Variants in LRRTM4 observed in about 807,000 individuals in gnomAD.
LRRTM4 encodes leucine-rich repeat transmembrane neuronal protein 4.
In LRRTM4, 25 loss-of-function variants were observed where a neutral mutation model predicts 47.6. The ratio of observed to expected loss-of-function variants is 0.53; its 90% CI spans 0.38 to 0.73. LRRTM4 has a LOEUF of 0.73. LRRTM4 is among the 30% of genes least tolerant of loss of function. The pLI is 0.00. For missense variants in LRRTM4, 638 were observed against 713.4 expected, an observed-to-expected ratio of 0.89 and a Z score of 1.20; for synonymous variants, 311 against 269.5, an observed-to-expected ratio of 1.15 and a Z score of -1.51.
intron 3 of LRRTM4, among the ~76,000 whole-genome samples, chr2:76,940,730 G>A (rs936798254): frequency 1.3e-5 from 2 of 152,170 alleles, no homozygotes; most frequent in African/African-American, 4.8e-5. Context: ...ACGTCAGAAA[G>A]AGGTTCTGAA....
At chr2:76,828,368 A>G (rs1003222278) in intron 3 of LRRTM4, among the ~76,000 whole-genome samples, 1 of 151,948 alleles carries the variant, frequency 6.6e-6, no homozygotes, top group Non-Finnish European at 1.5e-5. Flanking sequence ...AAATGAAGCA[A>G]TAATATGAAG....
At position 77,043,533 on chromosome 2, in the gene LRRTM4, T is replaced by C. The variant is rs183056761; in HGVS notation, c.1552-294617A>G. 3.0e-3 allele frequency among the ~76,000 whole-genome samples: 456 copies of C among 151,916 alleles called. 2 individuals carry two copies. The highest frequency in any genetic ancestry group is 0.011 in the African/African-American group (437 of 41,524). On this transcript the variant is annotated intron_variant, in intron 3 of 3. Transcript: ENST00000409884. ...CGAATGTCATTGTGTTCAATTTATG[T>C]AGTCTACTGAAACTGAATTTAAGTT...
chr2:76,911,340 G>T (rs554017123), intron 3 of LRRTM4, among the ~76,000 whole-genome samples: 1 of 152,100 alleles, frequency 6.6e-6, no homozygotes, highest in African/African-American at 2.4e-5. Flanking sequence ...AGTTCACTAA[G>T]GATTTCTTAA....
At chr2:77,038,539 A>C (rs909014604) in intron 3 of LRRTM4, among the ~76,000 whole-genome samples, 1 of 151,582 alleles carries the variant, frequency 6.6e-6, no homozygotes, top group Non-Finnish European at 1.5e-5. Flanking sequence ...GACTAGATAC[A>C]AAATTCTGTA....
At chr2:76,980,639 G>A (rs1676572028) in intron 3 of LRRTM4, among the ~76,000 whole-genome samples, 1 of 151,708 alleles carries the variant, frequency 6.6e-6, no homozygotes, top group Non-Finnish European at 1.5e-5. Flanking sequence ...AAAAGCAGGA[G>A]GAACTTTTTA....
In LRRTM4 at chr2:77,480,818, GTGT is replaced by G. The variant is rs1435496158; in HGVS notation, c.1551+37497_1551+37499del. On this transcript the variant is annotated intron_variant, in intron 3 of 3. Coordinates refer to ENST00000409884, the MANE Select transcript of LRRTM4 (RefSeq NM_001134745.3). ...TGTGTGTGTGTGTGTGTGTGTGTGT[GTGT>G]GGAGAGAGAGAGAGAGAGAGAGAGA... 9.9e-3 allele frequency among the ~76,000 whole-genome samples: 1,136 copies of G among 114,768 alleles called. 14 individuals carry two copies. The highest frequency in any genetic ancestry group is 0.036 in the African/African-American group (1,056 of 29,358). The allele number at this position is 114,768 out of a possible 152,430, so 75.3% of individuals were successfully genotyped here.
At chr2:77,389,215 T>A (rs1163907740) in intron 3 of LRRTM4, among the ~76,000 whole-genome samples, 1 of 152,104 alleles carries the variant, frequency 6.6e-6, no homozygotes, top group Non-Finnish European at 1.5e-5. Context: ...TATATTTTTA[T>A]TATACCTATA....
intron 3 of LRRTM4, among the ~76,000 whole-genome samples, chr2:77,004,262 G>A (rs1359985096): frequency 6.6e-6 from 1 of 152,172 alleles, no homozygotes; most frequent in East Asian, 1.9e-4. Flanking sequence ...AGACGCCTAG[G>A]AGGGAAAAAT....
chr2:77,122,474 A>G (rs1671544579), intron 3 of LRRTM4, among the ~76,000 whole-genome samples: 1 of 150,098 alleles, frequency 6.7e-6, no homozygotes, highest in African/African-American at 2.4e-5. Context: ...ATATATATAC[A>G]CACATAAATA....
intron 3 of LRRTM4, among the ~76,000 whole-genome samples, chr2:77,106,949 C>G (rs1166105398): frequency 6.6e-6 from 1 of 150,922 alleles, no homozygotes; most frequent in East Asian, 1.9e-4. Flanking sequence ...ATACATCTAT[C>G]TGATAAAAAA....
At chr2:77,513,837 A>T (rs1573514257) in intron 3 of LRRTM4, among the ~76,000 whole-genome samples, 2 of 152,114 alleles carry the variant, frequency 1.3e-5, no homozygotes, top group Non-Finnish European at 2.9e-5. Flanking sequence ...AATTACTGGG[A>T]TTACAGGCAT....
intron 3 of LRRTM4, among the ~76,000 whole-genome samples, chr2:77,399,180 T>A (rs1276310135): frequency 6.6e-6 from 1 of 150,624 alleles, no homozygotes; most frequent in African/African-American, 2.4e-5. Flanking sequence ...TTTTTTTTTT[T>A]AATTTTAAAA....
chr2:76,904,342 G>A (rs1673747527), intron 3 of LRRTM4, among the ~76,000 whole-genome samples: 1 of 152,184 alleles, frequency 6.6e-6, no homozygotes, highest in Non-Finnish European at 1.5e-5. Context: ...ATTTGATTCA[G>A]AGATTGTTAT....
intron 3 of LRRTM4, among the ~76,000 whole-genome samples, chr2:76,959,684 G>A (rs1434031643): frequency 6.6e-6 from 1 of 151,634 alleles, no homozygotes; most frequent in Admixed American, 6.6e-5. Flanking sequence ...TAAGCATGTG[G>A]CATTGGCTAC....
intron 3 of LRRTM4, among the ~76,000 whole-genome samples, chr2:77,177,835 C>G (rs754390350): frequency 6.6e-6 from 1 of 152,194 alleles, no homozygotes; most frequent in African/African-American, 2.4e-5. Flanking sequence ...CTGATGCTAC[C>G]AGGCCTTTCC....
intron 3 of LRRTM4, among the ~76,000 whole-genome samples, chr2:76,784,810 C>CA (rs896234637): frequency 6.6e-6 from 1 of 151,932 alleles, no homozygotes; most frequent in Admixed American, 6.6e-5. Context: ...TTTGTTTTCA[C>CA]AAAAATGAAA....
At chr2:76,750,457 A>G (rs1003757797) in intron 3 of LRRTM4, among the ~76,000 whole-genome samples, 39 of 152,210 alleles carry the variant, frequency 2.6e-4, no homozygotes, top group African/African-American at 8.9e-4. Context: ...AAACTTGGTT[A>G]ATAACTCTAT....
At chr2:77,142,965 G>T (rs948155132) in intron 3 of LRRTM4, among the ~76,000 whole-genome samples, 23 of 152,196 alleles carry the variant, frequency 1.5e-4, no homozygotes, top group African/African-American at 5.1e-4. Flanking sequence ...CTTCGTTAAA[G>T]GATTGCATTC....
intron 3 of LRRTM4, among the ~76,000 whole-genome samples, chr2:76,840,541 G>C (rs139328242): frequency 1.3e-5 from 2 of 152,234 alleles, no homozygotes; most frequent in East Asian, 1.9e-4. Flanking sequence ...TAAAAGTTTA[G>C]TCTTCACATG....
Sources: allele counts gnomAD v4.1 joint callset (sites outside exome capture counted in the v4.1 genomes callset), GRCh38; gene constraint gnomAD v4.1.1; transcripts MANE v1.5; gene names NCBI Gene and HGNC (gene_info 2026-07-23, HGNC 2026-07-21).